Variants in AFF1 observed in about 807,000 individuals in gnomAD.
AFF1 encodes the protein ALF transcription elongation factor 1.
AFF1 carries 48 observed loss-of-function variants against 121.7 expected under a neutral mutation model. That is an observed-to-expected ratio of 0.39 (90% CI 0.31 to 0.50). AFF1 has a LOEUF of 0.50. Among genes scored for constraint, AFF1 ranks in the 20% least tolerant of loss-of-function variants. The pLI is 0.76. For missense variants in AFF1, 1,523 were observed against 1,511.7 expected (o/e 1.01, Z -0.12); for synonymous variants, 613 against 563.0 (o/e 1.09, Z -1.26).
rs139086750 is a variant in AFF1 at position 86,995,041 on chromosome 4, G to C, written c.38+46470G>C. 1.4e-3 allele frequency among the ~76,000 whole-genome samples: 206 copies of C among 152,230 alleles called. 2 individuals carry two copies. The highest frequency in any genetic ancestry group is 3.4e-3 in the Middle Eastern group (1 of 294). On this transcript the variant is annotated intron_variant, in intron 2 of 20. Coordinates refer to ENST00000395146, the MANE Select transcript of AFF1 (RefSeq NM_001166693.3). ...GGATCACCTGAGTCCAGGAGTTTGAGATCAGCCTAGGCAACATGGTAAAAC... is the reference window on the plus strand; with the variant it reads ...GGATCACCTGAGTCCAGGAGTTTGACATCAGCCTAGGCAACATGGTAAAAC...
intron 2 of AFF1, among the ~76,000 whole-genome samples, chr4:87,000,125 C>T (rs7695426): frequency 0.21 from 31,924 of 152,098 alleles, 3,522 homozygotes; most frequent in East Asian, 0.33. Context: ...AGAGCATGCT[C>T]ATATAAATAA....
At chr4:87,101,295 T>A (rs1725408753) in intron 8 of AFF1, among the ~76,000 whole-genome samples, 1 of 152,150 alleles carries the variant, frequency 6.6e-6, no homozygotes, top group Non-Finnish European at 1.5e-5. Flanking sequence ...ATGCCAGGAT[T>A]CTACGGCCAG....
In AFF1 at chr4:87,071,716, C is replaced by G. The variant is rs1233215837; in HGVS notation, c.1060-12404C>G. 3.3e-5 allele frequency among the ~76,000 whole-genome samples: 5 copies of G among 152,110 alleles called. 1 individual carries two copies. Among genetic ancestry groups the G allele is most frequent in the African/African-American group, 1.2e-4 (5 of 41,406 alleles). ...TGGTTGACCCTCCATTTTCTAAAGG[C>G]AATTTCCAAAGGGAGTTGCTTTTGT... On this transcript the variant is annotated intron_variant, in intron 4 of 20. Transcript: ENST00000395146.
Position 87,017,969 on chromosome 4 carries a change from TAGA to T in AFF1, c.39-28193_39-28191del, listed in dbSNP as rs1283869287. Among the ~76,000 whole-genome samples, 12 of 151,762 alleles carry T rather than the reference TAGA, an allele frequency of 7.9e-5. No individual in the cohort carries two copies. In the East Asian group the frequency reaches 2.1e-3, roughly 27 times the overall value. On this transcript the variant is annotated intron_variant, in intron 2 of 20. Coordinates refer to ENST00000395146, the MANE Select transcript of AFF1 (RefSeq NM_001166693.3). ...AAAAAAAAAGCTGTGAGGCTCTGGC[TAGA>T]AGATGTCTTCATTTCTTCCTTTATG...
At chr4:86,945,874 TCAC>T (rs1165966929) in intron 1 of AFF1, among the ~76,000 whole-genome samples, 3 of 152,184 alleles carry the variant, frequency 2.0e-5, no homozygotes, top group African/African-American at 7.2e-5. Flanking sequence ...TCTGGCCTCT[TCAC>T]CAAAGCTCTT....
At chr4:87,052,623 A>C (rs951304206) in intron 4 of AFF1, among the ~76,000 whole-genome samples, 1 of 150,350 alleles carries the variant, frequency 6.7e-6, no homozygotes, top group Admixed American at 6.6e-5. Flanking sequence ...GGACATATCT[A>C]CTTTTTTTTT....
chr4:86,967,912 A>G (rs1722647645), intron 2 of AFF1, among the ~76,000 whole-genome samples: 1 of 152,262 alleles, frequency 6.6e-6, no homozygotes, highest in African/African-American at 2.4e-5. Flanking sequence ...TATTCAGTAG[A>G]AAATGAATCA....
intron 2 of AFF1, among the ~76,000 whole-genome samples, chr4:87,004,155 C>CCA (rs1189827564): frequency 2.0e-5 from 3 of 152,170 alleles, no homozygotes; most frequent in South Asian, 2.1e-4. Context: ...GGTGGTTTGA[C>CCA]CACATTTTGC....
chr4:87,129,459 C>T (rs1249863970), intron 16 of AFF1, among the ~76,000 whole-genome samples: 2 of 152,180 alleles, frequency 1.3e-5, no homozygotes, highest in South Asian at 2.1e-4. Flanking sequence ...AATTGCTACA[C>T]AGTATTGTAG....
intron 2 of AFF1, among the ~76,000 whole-genome samples, chr4:86,954,810 T>C (rs1372404434): frequency 6.6e-6 from 1 of 152,222 alleles, no homozygotes; most frequent in African/African-American, 2.4e-5. Flanking sequence ...TCATCCTCTT[T>C]ATGCTGAGTG....
At chr4:87,041,765 A>AGGCGTGATTATAGG (rs1423909557) in intron 2 of AFF1, among the ~76,000 whole-genome samples, 1 of 152,190 alleles carries the variant, frequency 6.6e-6, no homozygotes, top group African/African-American at 2.4e-5. Context: ...CTATAATCTC[A>AGGCGTGATTATAGG]ACACTTTAGG....
chr4:86,965,066 G>A (rs1372123111), intron 2 of AFF1, among the ~76,000 whole-genome samples: 3 of 152,130 alleles, frequency 2.0e-5, no homozygotes, highest in Non-Finnish European at 2.9e-5. Context: ...GTATTTATTT[G>A]ACCTTTCTTA....
At chr4:87,029,760 G>A (rs930150135) in intron 2 of AFF1, among the ~76,000 whole-genome samples, 1 of 152,192 alleles carries the variant, frequency 6.6e-6, no homozygotes, top group Non-Finnish European at 1.5e-5. Context: ...AGCCAGAACA[G>A]TGACTGGAGT....
chr4:87,083,979 T>C (rs183235631), intron 4 of AFF1, 141 bp from the exon 5 acceptor site: 1 of 731,106 alleles, frequency 1.4e-6, no homozygotes, highest in Non-Finnish European at 2.3e-6. Context: ...TTGCCCAGGC[T>C]TCAAATGTAA....
intron 2 of AFF1, among the ~76,000 whole-genome samples, chr4:86,967,254 G>C (rs1402656099): frequency 5.3e-5 from 8 of 152,194 alleles, no homozygotes; most frequent in Admixed American, 3.9e-4. Flanking sequence ...TTGGGTGGAG[G>C]AGTGGATAAA....
chr4:86,955,946 G>T (rs1037448559), intron 2 of AFF1, among the ~76,000 whole-genome samples: 1 of 152,206 alleles, frequency 6.6e-6, no homozygotes, highest in African/African-American at 2.4e-5. Context: ...GCTACAAGGT[G>T]TTCAACAGAT....
At chr4:87,004,413 C>CTAA (rs1422684314) in intron 2 of AFF1, among the ~76,000 whole-genome samples, 2 of 151,742 alleles carry the variant, frequency 1.3e-5, no homozygotes, top group Non-Finnish European at 2.9e-5. Flanking sequence ...TTTTAAAACC[C>CTAA]ATTACATATT....
Position 87,091,846 on chromosome 4 carries a change from C to G in AFF1, c.1228+17C>G, listed in dbSNP as rs766778873. ...AAAACCAAAGTAAGTAAATTTGAAA[C>G]TGCTTATTGGATTGGAGAACAAAGC... On this transcript the variant is annotated intron_variant, in intron 7 of 20. Coordinates refer to ENST00000395146, the MANE Select transcript of AFF1 (RefSeq NM_001166693.3). 6.5e-7 allele frequency: 1 copy of G among 1,549,232 alleles called. No homozygotes were observed. Among genetic ancestry groups the G allele is most frequent in the African/African-American group, 1.4e-5 (1 of 71,720 alleles).
chr4:87,046,302 T>G lies in AFF1; in HGVS notation c.159+16T>G, dbSNP rs771862928. ...GCCCTACAAGGTATTTACTGAACAC[T>G]AGACATTGAAGTCCTGATTTATCAC... On this transcript the variant is annotated intron_variant, in intron 3 of 20. Transcript: ENST00000395146. The G allele has an allele frequency of 3.5e-5, 57 of 1,606,218 alleles. No homozygotes were observed. The South Asian group carries it at 6.2e-4, about 17-fold the overall frequency.
Sources: allele counts gnomAD v4.1 joint callset (sites outside exome capture counted in the v4.1 genomes callset), GRCh38; gene constraint gnomAD v4.1.1; transcripts MANE v1.5; gene names NCBI Gene and HGNC (gene_info 2026-07-23, HGNC 2026-07-21).